Variants in MYO9A observed in about 807,000 individuals in gnomAD.
MYO9A encodes unconventional myosin-IXa.
A neutral mutation model predicts 293.3 loss-of-function variants in MYO9A; 103 were observed. That is an observed-to-expected ratio of 0.35 (90% CI 0.30 to 0.41). The LOEUF (loss-of-function observed/expected upper bound fraction) is 0.41. Ranked by LOEUF, MYO9A falls within the 10% of genes least tolerant of loss-of-function variation. The pLI, the probability that MYO9A is intolerant of heterozygous loss-of-function variation, is 1.00. For synonymous variants in MYO9A, 1,001 were observed against 1,035.7 expected, an observed-to-expected ratio of 0.97 and a Z score of 0.64; for missense variants, 2,685 against 3,033.0, an observed-to-expected ratio of 0.89 and a Z score of 2.69.
intron 26 of MYO9A, chr15:71,891,638 C>T (rs1014323877): frequency 3.9e-5 from 6 of 152,144 alleles, no homozygotes; most frequent in African/African-American, 1.4e-4. Flanking sequence ...TCTAATTATA[C>T]ATATTATCAG....
chr15:72,079,706 T>C (rs1381268373), intron 1 of MYO9A, among the ~76,000 whole-genome samples: 1 of 152,206 alleles, frequency 6.6e-6, no homozygotes, highest in African/African-American at 2.4e-5. Flanking sequence ...TCCTAATCCA[T>C]ATGTCTTGAT....
chr15:72,006,518 G>C (rs906068393), intron 8 of MYO9A, among the ~76,000 whole-genome samples: 12 of 152,196 alleles, frequency 7.9e-5, no homozygotes, highest in Admixed American at 1.3e-4. Flanking sequence ...AAAAAGATCA[G>C]TGGTTGCCAG....
At chr15:71,842,498 A>G (rs549361866) in intron 39 of MYO9A, among the ~76,000 whole-genome samples, 2 of 152,288 alleles carry the variant, frequency 1.3e-5, no homozygotes, top group East Asian at 3.9e-4. Context: ...AACTACTAGT[A>G]AACTAGAGCT....
chr15:72,019,120 G>T (rs747072383), intron 5 of MYO9A, 25 bp from the exon 6 acceptor site: 1 of 1,586,816 alleles, frequency 6.3e-7, no homozygotes, highest in Admixed American at 1.7e-5. Context: ...GATTAGTTAG[G>T]TAGAAGTAAT....
intron 13 of MYO9A, among the ~76,000 whole-genome samples, chr15:71,964,610 T>A (rs1230588130): frequency 5.9e-5 from 6 of 101,844 alleles, no homozygotes; most frequent in Non-Finnish European, 1.2e-4. Context: ...TGACACCCCA[T>A]CTCTACTAAA....
intron 3 of MYO9A, among the ~76,000 whole-genome samples, chr15:72,032,196 C>T (rs1327956127): frequency 6.6e-6 from 1 of 152,124 alleles, no homozygotes; most frequent in Non-Finnish European, 1.5e-5. Flanking sequence ...CAGGTGTGAG[C>T]CACCATGCTT....
Position 71,901,194 on chromosome 15 carries a change from G to C in MYO9A, c.3147C>G (p.Ile1049Met). The stretch of plus-strand genomic sequence containing the variant: ...CAAAGAATCCTTTGCTTCTCACCTG[G>C]ATAATAACAGATGCTTGTCTCAGAT... ...FLHLRQASVI[I>M]QRFWRNYLNQ... Residue 1049 changes from isoleucine to methionine, a missense_variant, in exon 23 of 42, where the codon ATC (isoleucine) becomes ATG (methionine). Physicochemically the swap from Ile to Met is conservative, Grantham distance 10. Around this residue, in one of 10 missense-constraint regions of MYO9A, gnomAD observed 1,434 missense variants for 1,497.7 expected, o/e 0.96. Transcript: ENST00000356056. 6.2e-7 allele frequency: 1 copy of C among 1,610,598 alleles called. No individual in the cohort carries two copies. Among genetic ancestry groups the C allele is most frequent in the Non-Finnish European group, 8.5e-7 (1 of 1,178,890 alleles).
intron 11 of MYO9A, among the ~76,000 whole-genome samples, chr15:71,990,087 C>A (rs2076501139): frequency 3.3e-5 from 2 of 60,318 alleles, no homozygotes; most frequent in African/African-American, 8.7e-5. Flanking sequence ...CATATATAAG[C>A]AATTTTTTTT....
Position 71,991,319 on chromosome 15 carries a change from T to C in MYO9A, c.1588-82A>G. 3.4e-6 allele frequency: 4 copies of C among 1,178,104 alleles called. No homozygotes were observed. In the South Asian group the frequency reaches 6.4e-5, roughly 19 times the overall value. 73.0% of individuals were successfully genotyped at this position (1,178,104 alleles called of 1,614,324 possible). On this transcript the variant is annotated intron_variant, in intron 10 of 41. Transcript: ENST00000356056. ...AATATCCACAACATAAGTAACAAAATGCTCAATTCCTCTAAAGCAGTGTAC... is the reference window on the plus strand; with the variant it reads ...AATATCCACAACATAAGTAACAAAACGCTCAATTCCTCTAAAGCAGTGTAC...
At chr15:72,039,231 C>T (rs575254438) in intron 2 of MYO9A, among the ~76,000 whole-genome samples, 1 of 152,180 alleles carries the variant, frequency 6.6e-6, no homozygotes, top group South Asian at 2.1e-4. Flanking sequence ...GTACTGTATT[C>T]ACTCGTGAGT....
At chr15:72,032,699 C>T (rs2077912071) in intron 2 of MYO9A, 111 bp from the exon 3 acceptor site, 1 of 585,042 alleles carries the variant, frequency 1.7e-6, no homozygotes, top group Non-Finnish European at 2.7e-6. Context: ...GTTAAAGAGA[C>T]AGTAAAAAGA....
chr15:71,950,173 C>T (rs1379181512), intron 15 of MYO9A: 3 of 151,500 alleles, frequency 2.0e-5, no homozygotes, highest in African/African-American at 4.8e-5. Flanking sequence ...AAATTTATAA[C>T]GTGATACCTT....
intron 8 of MYO9A, among the ~76,000 whole-genome samples, chr15:72,006,148 G>T (rs144859257): frequency 1.4e-3 from 219 of 152,174 alleles, no homozygotes; most frequent in African/African-American, 4.6e-3. Context: ...CACGATCTAA[G>T]GTCACTGCAA....
At chr15:72,010,479 A>G in intron 6 of MYO9A, 32 bp from the exon 7 acceptor site, 1 of 1,552,456 alleles carries the variant, frequency 6.4e-7, no homozygotes, top group Non-Finnish European at 8.8e-7. Flanking sequence ...TTAAAAATCA[A>G]GATTATATAT....
At chr15:72,067,193 T>C (rs529651949) in intron 1 of MYO9A, among the ~76,000 whole-genome samples, 1 of 149,468 alleles carries the variant, frequency 6.7e-6, no homozygotes, top group African/African-American at 2.4e-5. Flanking sequence ...ATATTATTAC[T>C]ATATAAATTA....
chr15:72,020,829 G>C, intron 5 of MYO9A, 89 bp downstream of exon 5: 1 of 696,168 alleles, frequency 1.4e-6, no homozygotes, highest in Non-Finnish European at 2.2e-6. Context: ...TCCATTCCTA[G>C]GTTTGAGAAA....
At chr15:71,977,999 T>A (rs573296529) in intron 12 of MYO9A, among the ~76,000 whole-genome samples, 172 bp downstream of exon 12, 1 of 152,190 alleles carries the variant, frequency 6.6e-6, no homozygotes, top group East Asian at 1.9e-4. Flanking sequence ...ATGGGGCCAA[T>A]GCACTCCAGC....
At chr15:71,845,236 C>A (rs1255018939) in intron 39 of MYO9A, among the ~76,000 whole-genome samples, 1 of 152,040 alleles carries the variant, frequency 6.6e-6, no homozygotes, top group African/African-American at 2.4e-5. Context: ...CAAGCTTGTT[C>A]AAAAATCATA....
At position 71,826,953 on chromosome 15, in the gene MYO9A, G is replaced by C. The variant is rs1418675901; in HGVS notation, c.7274C>G (p.Ser2425Cys). ...GACCGAAGAGTCCACGACATCTAAA[G>C]AGTCTTGCTGCTTTTTAAGTTGCTT... The part of the protein sequence containing the change: ...LRKQLKKQQD[S>C]LDVVDSSVSS... Residue 2425 changes from serine to cysteine, a missense_variant, in exon 42 of 42, where the codon TCT (serine) becomes TGT (cysteine). Ser to Cys is a moderately radical substitution (Grantham distance 112). This residue lies in a region of MYO9A where 350 missense variants were observed against 328.9 expected (regional missense o/e 1.06). Transcript: ENST00000356056. The C allele has an allele frequency of 1.1e-5, 17 of 1,613,936 alleles. No homozygotes were observed. Among genetic ancestry groups the C allele is most frequent in the Middle Eastern group, 1.7e-4 (1 of 6,058 alleles).
Sources: allele counts gnomAD v4.1 joint callset (sites outside exome capture counted in the v4.1 genomes callset), GRCh38; gene constraint gnomAD v4.1.1; regional missense constraint gnomAD v4.1.1; transcripts MANE v1.5; gene names NCBI Gene and HGNC (gene_info 2026-07-23, HGNC 2026-07-21).